The following SEL1L3 variants were observed in gnomAD, a reference collection of about 807,000 sequenced individuals.
The protein encoded by SEL1L3 is protein sel-1 homolog 3.
Under a neutral mutation model 142.8 loss-of-function variants are expected in SEL1L3, and 76 were observed. The observed-to-expected ratio is 0.53, with a 90% CI of 0.44 to 0.64. SEL1L3 has a LOEUF of 0.64. SEL1L3 is among the 30% of genes least tolerant of loss of function. SEL1L3 has a pLI of 0.00. For synonymous variants in SEL1L3, 504 were observed against 519.6 expected (o/e 0.97, Z 0.41); for missense variants, 1,262 against 1,381.7 (o/e 0.91, Z 1.37).
At chr4:25,777,466 C>T (rs1719712722) in intron 16 of SEL1L3, 1 of 169,748 alleles carries the variant, frequency 5.9e-6, no homozygotes, top group Admixed American at 6.1e-5. Flanking sequence ...TGGGGAGGCT[C>T]TGAATAATGT....
At chr4:25,770,312 CT>C (rs1719067219) in intron 17 of SEL1L3, 1 of 152,146 alleles carries the variant, frequency 6.6e-6, no homozygotes, top group Non-Finnish European at 1.5e-5. Context: ...TTATAGACTT[CT>C]ATCGTCCAAT....
chr4:25,778,385 A>G (rs538235693), intron 16 of SEL1L3, among the ~76,000 whole-genome samples: 1 of 152,348 alleles, frequency 6.6e-6, no homozygotes, highest in South Asian at 2.1e-4. Flanking sequence ...AGGCACCTGG[A>G]GGAGAATTTG....
At chr4:25,714,545 TTTC>T in the SEL1L3 span, among the ~76,000 whole-genome samples, 1 of 138,756 alleles carries the variant, frequency 7.2e-6, no homozygotes, top group South Asian at 2.2e-4. Flanking sequence ...TCTTTCTTTC[TTTC>T]TTTCTTCTTT....
the SEL1L3 span, among the ~76,000 whole-genome samples, chr4:25,738,879 T>C: frequency 5.9e-5 from 9 of 152,150 alleles, no homozygotes; most frequent in South Asian, 1.9e-3. Context: ...CCAGGGCAGT[T>C]TGGCTCCCTC....
intron 11 of SEL1L3, among the ~76,000 whole-genome samples, chr4:25,793,456 T>C (rs939362705): frequency 3.3e-5 from 5 of 152,004 alleles, no homozygotes; most frequent in Non-Finnish European, 7.4e-5. Context: ...GCTATTTTTT[T>C]TGTATTTTTT....
chr4:25,850,029 G>A (rs932572978), intron 1 of SEL1L3, among the ~76,000 whole-genome samples: 1 of 152,174 alleles, frequency 6.6e-6, no homozygotes, highest in African/African-American at 2.4e-5. Context: ...ACAAGGGAAA[G>A]GCACTGCAAG....
intron 9 of SEL1L3, among the ~76,000 whole-genome samples, chr4:25,807,599 A>G (rs913576274): frequency 6.6e-6 from 1 of 151,972 alleles, no homozygotes. Flanking sequence ...TCCCTGCCTC[A>G]CCTATTCTGC....
intron 1 of SEL1L3, chr4:25,861,804 C>G: frequency 6.6e-6 from 1 of 152,216 alleles, no homozygotes; most frequent in East Asian, 1.9e-4. Context: ...TGTAAATTTA[C>G]TATTGTTTAG....
At chr4:25,737,237 C>G in the SEL1L3 span, among the ~76,000 whole-genome samples, 1 of 152,188 alleles carries the variant, frequency 6.6e-6, no homozygotes, top group East Asian at 1.9e-4. Flanking sequence ...CCTGCCTTGG[C>G]CTCGTAAAGT....
chr4:25,818,853 T>C (rs566303221), intron 8 of SEL1L3, among the ~76,000 whole-genome samples: 101 of 152,296 alleles, frequency 6.6e-4, no homozygotes, highest in Non-Finnish European at 1.2e-3. Flanking sequence ...TATTCTTAAA[T>C]TGAATTGCAG....
At chr4:25,773,789 T>C (rs1166272153) in intron 17 of SEL1L3, among the ~76,000 whole-genome samples, 1 of 152,214 alleles carries the variant, frequency 6.6e-6, no homozygotes, top group Non-Finnish European at 1.5e-5. Flanking sequence ...TTTACCCACA[T>C]GGCATAGTAT....
intron 2 of SEL1L3, among the ~76,000 whole-genome samples, chr4:25,844,324 G>A (rs1021821403): frequency 2.6e-5 from 4 of 152,226 alleles, no homozygotes; most frequent in Non-Finnish European, 5.9e-5. Flanking sequence ...AAGGAAGAAT[G>A]TGTGCCCCTT....
In SEL1L3 at chr4:25,779,108, C is replaced by A; in HGVS notation, c.2553G>T (p.Glu851Asp). ...CSLYYITGNL[E>D]TFPRDPEKAV... ...CTTTCTCAGGATCTCTAGGGAATGTCTCCAGGTTGCCTGTGATATAGTAGA... is the reference window on the plus strand; with the variant it reads ...CTTTCTCAGGATCTCTAGGGAATGTATCCAGGTTGCCTGTGATATAGTAGA... Residue 851 changes from glutamate (E) to aspartate (D), a missense_variant, in exon 16 of 24, where the codon GAG becomes GAT. Glu to Asp is a conservative substitution (Grantham distance 45). This residue lies in a region of SEL1L3 where 435 missense variants were observed against 559.2 expected (regional missense o/e 0.78). Transcript: ENST00000399878. 6.2e-7 allele frequency: 1 copy of A among 1,613,628 alleles called. No homozygotes were observed. Among genetic ancestry groups the A allele is most frequent in the South Asian group, 1.1e-5 (1 of 91,052 alleles).
chr4:25,754,441 G>C (rs995162688), intron 23 of SEL1L3, among the ~76,000 whole-genome samples: 6 of 150,858 alleles, frequency 4.0e-5, no homozygotes, highest in African/African-American at 1.5e-4. Context: ...CTCCGTCTCC[G>C]GGGTTCAAGC....
intron 2 of SEL1L3, among the ~76,000 whole-genome samples, chr4:25,842,095 G>C (rs1415056060): frequency 6.6e-6 from 1 of 152,106 alleles, no homozygotes; most frequent in Non-Finnish European, 1.5e-5. Context: ...TCATCTTTAA[G>C]CCTCCACACT....
intron 20 of SEL1L3, among the ~76,000 whole-genome samples, chr4:25,762,384 A>T (rs1718430945): frequency 6.6e-6 from 1 of 152,234 alleles, no homozygotes; most frequent in South Asian, 2.1e-4. Flanking sequence ...ACAAGAGGAA[A>T]CCACCTCCAA....
At chr4:25,836,956 A>G (rs1339612653) in intron 2 of SEL1L3, among the ~76,000 whole-genome samples, 1 of 152,174 alleles carries the variant, frequency 6.6e-6, no homozygotes. Flanking sequence ...TATTTTAATA[A>G]GATTAAATAA....
At chr4:25,764,353 T>C (rs953575457) in intron 20 of SEL1L3, among the ~76,000 whole-genome samples, 1 of 152,206 alleles carries the variant, frequency 6.6e-6, no homozygotes, top group African/African-American at 2.4e-5. Context: ...GAAATCTACA[T>C]GAAGTCTGAA....
chr4:25,765,538 A>G, intron 19 of SEL1L3, 103 bp from the exon 20 acceptor site: 3 of 720,086 alleles, frequency 4.2e-6, no homozygotes, highest in Non-Finnish European at 4.9e-6. Context: ...TCCTATTAGT[A>G]TCTGAATACA....
Sources: gnomAD v4.1 joint callset for allele counts (sites outside exome capture counted in the v4.1 genomes callset) on GRCh38, gnomAD v4.1.1 for gene constraint, gnomAD v4.1.1 regional missense constraint, MANE v1.5 for transcripts, NCBI Gene and HGNC (gene_info 2026-07-23, HGNC 2026-07-21) for gene names.